Variants in ARHGEF18 observed in about 807,000 individuals in gnomAD.
ARHGEF18 encodes rho guanine nucleotide exchange factor 18.
A neutral mutation model predicts 155.7 loss-of-function variants in ARHGEF18; 93 were observed. That is an observed-to-expected ratio of 0.60 (90% CI 0.50 to 0.71). The LOEUF is 0.71. Among genes scored for constraint, ARHGEF18 ranks in the 30% least tolerant of loss-of-function variants. ARHGEF18 has a pLI of 0.00. For missense variants in ARHGEF18, 1,593 were observed against 1,816.1 expected (o/e 0.88, Z 2.23); for synonymous variants, 742 against 753.1 (o/e 0.99, Z 0.24).
At chr19:7,353,641 T>A (rs552119358) in intron 1 of ARHGEF18, among the ~76,000 whole-genome samples, 6 of 151,020 alleles carry the variant, frequency 4.0e-5, no homozygotes, top group Admixed American at 4.0e-4. Flanking sequence ...GAAATAGATA[T>A]CCCTGTTGTA....
chr19:7,418,144 A>C (rs1973125907), intron 10 of ARHGEF18, among the ~76,000 whole-genome samples: 1 of 152,216 alleles, frequency 6.6e-6, no homozygotes, highest in South Asian at 2.1e-4. Context: ...GAATGGTAGT[A>C]CAAATAGTCA....
intron 2 of ARHGEF18, among the ~76,000 whole-genome samples, chr19:7,366,682 G>T (rs533629478): frequency 7.9e-4 from 121 of 152,368 alleles, no homozygotes; most frequent in African/African-American, 2.7e-3. Context: ...GGACAGGGGA[G>T]ACTGTGTGAT....
chr19:7,446,035 T>A (rs1000975843), intron 14 of ARHGEF18, among the ~76,000 whole-genome samples: 1 of 152,188 alleles, frequency 6.6e-6, no homozygotes, highest in African/African-American at 2.4e-5. Flanking sequence ...TTTTTTTATT[T>A]CACCTTTATG....
chr19:7,440,581 T>A lies in ARHGEF18; in HGVS notation c.1106+99T>A. On this transcript the variant is annotated intron_variant, in intron 11 of 28. Transcript: ENST00000668164. The surrounding 1 kb of genome is among the most constrained non-coding windows in gnomAD (Gnocchi z 5.4). ...AGGGAGACCCCGACTTAGATCTGTG[T>A]GAATCCACACGGCAGCCCCCGTGCT... is the stretch of plus-strand genomic sequence containing the variant. 2 of 1,392,918 alleles carry A rather than the reference T, an allele frequency of 1.4e-6. No individual in the cohort carries two copies. The highest frequency in any genetic ancestry group is 2.4e-5 in the East Asian group (1 of 41,918). 86.3% of individuals were successfully genotyped at this position (1,392,918 alleles called of 1,614,324 possible).
At chr19:7,439,518 C>A (rs8110645) in intron 10 of ARHGEF18, among the ~76,000 whole-genome samples, 1 of 151,822 alleles carries the variant, frequency 6.6e-6, no homozygotes, top group Non-Finnish European at 1.5e-5. Context: ...AGCGGGCACA[C>A]GTATCCTATG....
chr19:7,418,978 C>T (rs985198565), intron 10 of ARHGEF18, among the ~76,000 whole-genome samples: 2 of 151,508 alleles, frequency 1.3e-5, no homozygotes, highest in Non-Finnish European at 2.9e-5. Flanking sequence ...TGCTCTCCAG[C>T]CCCCCAGCAG....
intron 14 of ARHGEF18, among the ~76,000 whole-genome samples, chr19:7,445,204 T>C (rs1323637939): frequency 6.6e-6 from 1 of 152,102 alleles, no homozygotes; most frequent in East Asian, 1.9e-4. Context: ...CCCAGCACTT[T>C]GGGAGGCCAA....
At chr19:7,365,234 C>A (rs1969832714) in intron 2 of ARHGEF18, among the ~76,000 whole-genome samples, 1 of 152,146 alleles carries the variant, frequency 6.6e-6, no homozygotes, top group Admixed American at 6.6e-5. Flanking sequence ...ACAGGCCAGC[C>A]TGAGCAACGG....
chr19:7,417,691 G>A (rs1003782495), intron 10 of ARHGEF18, among the ~76,000 whole-genome samples: 2 of 152,024 alleles, frequency 1.3e-5, no homozygotes, highest in African/African-American at 4.8e-5. Flanking sequence ...AGCGAGACTC[G>A]GTCTCAATAA....
chr19:7,376,628 T>C lies in ARHGEF18; in HGVS notation c.427-15T>C. ...GCTGCCTTCCCAGCTTAGTGAGATG[T>C]TTAATCCCCTGCAGGAATGTGACAG... On this transcript the variant is annotated splice_polypyrimidine_tract_variant and intron_variant, in intron 4 of 28. Transcript: ENST00000668164. 2 of 1,232,860 alleles carry C rather than the reference T, an allele frequency of 1.6e-6. No individual in the cohort carries two copies. The highest frequency in any genetic ancestry group is 2.0e-6 in the Non-Finnish European group (2 of 986,952). 76.4% of individuals were successfully genotyped at this position (1,232,860 alleles called of 1,614,324 possible).
chr19:7,356,318 T>G lies in ARHGEF18; in HGVS notation c.-110-6463T>G, dbSNP rs868432938. ...CCGAGTCTCATTCGGTCGCCGAGGC[T>G]GGAGTGCAGTGGCGCGATCTCAGCT... On this transcript the variant is annotated intron_variant, in intron 1 of 28. Coordinates refer to ENST00000668164, the MANE Select transcript of ARHGEF18 (RefSeq NM_001367823.1). Among the ~76,000 whole-genome samples, 4 of 151,098 alleles carry G rather than the reference T, an allele frequency of 2.6e-5. No individual in the cohort carries two copies. The Middle Eastern group carries it at 0.014, about 514-fold the overall frequency.
chr19:7,416,609 T>TTTG (rs1386785353), intron 10 of ARHGEF18, among the ~76,000 whole-genome samples: 3 of 145,052 alleles, frequency 2.1e-5, no homozygotes, highest in East Asian at 2.0e-4. Context: ...ATTTGGGTTT[T>TTTG]TTTTTTTTTT....
chr19:7,424,130 G>A (rs185155393), intron 10 of ARHGEF18, among the ~76,000 whole-genome samples: 1,606 of 152,074 alleles, frequency 0.011, 37 homozygotes, highest in African/African-American at 0.036. Flanking sequence ...GGGTTCAAGC[G>A]ATTCTCCTGC....
At chr19:7,433,532 A>AAT (rs1568329945) in intron 10 of ARHGEF18, among the ~76,000 whole-genome samples, 4 of 138,090 alleles carry the variant, frequency 2.9e-5, no homozygotes, top group Non-Finnish European at 6.3e-5. Flanking sequence ...AAAAAAAAAA[A>AAT]GTGTATCAGG....
At chr19:7,407,050 G>A (rs1488262085) in intron 10 of ARHGEF18, among the ~76,000 whole-genome samples, 1 of 141,286 alleles carries the variant, frequency 7.1e-6, no homozygotes, top group Non-Finnish European at 1.5e-5. Flanking sequence ...GGGCGACAAG[G>A]CAAGACTCCG....
In ARHGEF18 at chr19:7,375,317, GAAAGAAAGAAAGA is replaced by G. The variant is rs1202248975; in HGVS notation, c.276-398_276-386del. 5.6e-5 allele frequency among the ~76,000 whole-genome samples: 6 copies of G among 107,704 alleles called. No homozygotes were observed. In the South Asian group the frequency reaches 1.1e-3, roughly 20 times the overall value. 70.7% of individuals were successfully genotyped at this position (107,704 alleles called of 152,430 possible). A position where few individuals can be genotyped will look rare whatever the true frequency, so the allele number is the denominator to read the frequency against. ...AAGAAAGAAAGAAAAGAAAGAAAAA[GAAAGAAAGAAAGA>G]AAAGGAAGAAAGAAAAAGAAAGAAA... On this transcript the variant is annotated intron_variant, in intron 3 of 28. Coordinates refer to ENST00000668164, the MANE Select transcript of ARHGEF18 (RefSeq NM_001367823.1).
In ARHGEF18 at chr19:7,353,719, G is replaced by A. The variant is rs142482674; in HGVS notation, c.-111+4478G>A. 4.6e-3 allele frequency among the ~76,000 whole-genome samples: 696 copies of A among 151,974 alleles called. 30 individuals carry two copies. The East Asian group carries it at 0.11, about 23-fold the overall frequency. The stretch of plus-strand genomic sequence containing the variant: ...TGTAATCCCAGTACTTTCGGAGGCC[G>A]AGGTGGGAGGATCACCTGAGGTTAG... On this transcript the variant is annotated intron_variant, in intron 1 of 28. Coordinates refer to ENST00000668164, the MANE Select transcript of ARHGEF18 (RefSeq NM_001367823.1).
downstream of ARHGEF18, chr19:7,472,626 G>A (rs542706855): frequency 1.2e-3 from 282 of 233,704 alleles, 1 homozygote; most frequent in Non-Finnish European, 2.0e-3. Flanking sequence ...CCTGCTTAAC[G>A]CTCTGAAGAC....
intron 2 of ARHGEF18, among the ~76,000 whole-genome samples, chr19:7,365,287 C>T (rs1224446509): frequency 6.6e-6 from 1 of 152,126 alleles, no homozygotes; most frequent in Non-Finnish European, 1.5e-5. Flanking sequence ...ATTAGCTGCG[C>T]ATGGAGGTGT....
Sources: allele counts gnomAD v4.1 joint callset (sites outside exome capture counted in the v4.1 genomes callset), GRCh38; gene constraint gnomAD v4.1.1; non-coding constraint Gnocchi (gnomAD v3.1); transcripts MANE v1.5; gene names NCBI Gene and HGNC (gene_info 2026-07-23, HGNC 2026-07-21).